Variants in GSE1 observed in about 807,000 individuals in gnomAD.
GSE1 encodes the protein Gse1 coiled-coil protein.
In GSE1, 32 loss-of-function variants were observed where a neutral mutation model predicts 112.6. The observed-to-expected ratio is 0.28, with a 90% confidence interval of 0.21 to 0.38. The LOEUF (loss-of-function observed/expected upper bound fraction) is 0.38, where lower values mean the gene tolerates loss of function less well. GSE1 is among the 10% of genes least tolerant of loss of function. The pLI is 1.00. For missense variants in GSE1, 2,348 were observed against 1,699.2 expected (o/e 1.38, Z -6.71); for synonymous variants, 1,115 against 735.6 (o/e 1.52, Z -8.35).
chr16:85,448,362 C>A (rs1022883187), intron 2 of GSE1, among the ~76,000 whole-genome samples: 2 of 152,170 alleles, frequency 1.3e-5, no homozygotes, highest in Non-Finnish European at 2.9e-5. Flanking sequence ...ACCCTGTGCT[C>A]TTTGAGTGAT....
intron 2 of GSE1, among the ~76,000 whole-genome samples, chr16:85,383,004 A>G (rs1269390013): frequency 6.6e-6 from 1 of 151,150 alleles, no homozygotes; most frequent in Non-Finnish European, 1.5e-5. Context: ...CATACAACAC[A>G]TGCACACACG....
At chr16:85,620,733 G>T (rs1340572649) in intron 1 of GSE1, among the ~76,000 whole-genome samples, 6 of 152,258 alleles carry the variant, frequency 3.9e-5, no homozygotes, top group African/African-American at 1.4e-4. Flanking sequence ...GATGGTCTCA[G>T]CCTTGGGTCT....
At chr16:85,383,497 GCACACACACA>G (rs11473067) in intron 2 of GSE1, among the ~76,000 whole-genome samples, 6 of 147,844 alleles carry the variant, frequency 4.1e-5, no homozygotes, top group African/African-American at 1.5e-4. Context: ...AGAGCTCCCA[GCACACACACA>G]CACACACACG....
chr16:85,512,000 C>G (rs2051762583), intron 2 of GSE1, among the ~76,000 whole-genome samples: 1 of 152,292 alleles, frequency 6.6e-6, no homozygotes, highest in Non-Finnish European at 1.5e-5. Flanking sequence ...GCTCTGTAGT[C>G]AGGGTCTCCA....
At chr16:85,647,359 G>T (rs545726811) in intron 2 of GSE1, among the ~76,000 whole-genome samples, 1 of 152,340 alleles carries the variant, frequency 6.6e-6, no homozygotes, top group South Asian at 2.1e-4. Flanking sequence ...CGAGTTCCGG[G>T]GTAGGTCGTG....
chr16:85,235,846 G>T (rs564847480), intron 1 of GSE1, among the ~76,000 whole-genome samples: 3 of 152,062 alleles, frequency 2.0e-5, no homozygotes, highest in African/African-American at 7.2e-5. Flanking sequence ...GGGCGCCGGG[G>T]CAGCTGTTCG....
In GSE1 at chr16:85,509,313, G is replaced by A. The variant is rs372595698; in HGVS notation, c.2465-124601G>A. 1.5e-4 allele frequency among the ~76,000 whole-genome samples: 23 copies of A among 152,324 alleles called. No individual in the cohort carries two copies. In the East Asian group the frequency reaches 2.3e-3, roughly 15 times the overall value. On this transcript the variant is annotated intron_variant, in intron 2 of 2. Coordinates refer to the GSE1 transcript ENST00000637419. The stretch of plus-strand genomic sequence containing the variant: ...GGGAAGGCAGTGTTGGTGGGGGACC[G>A]GGGCTGCGGTCTTCAGAGGCTGCCT...
At chr16:85,289,540 A>T (rs1047661969) in intron 1 of GSE1, among the ~76,000 whole-genome samples, 1 of 152,024 alleles carries the variant, frequency 6.6e-6, no homozygotes. Context: ...GAGGCCTAGG[A>T]CTCTGCATTC....
intron 1 of GSE1, among the ~76,000 whole-genome samples, chr16:85,323,045 C>T (rs2046146756): frequency 6.6e-6 from 1 of 151,982 alleles, no homozygotes; most frequent in Non-Finnish European, 1.5e-5. Flanking sequence ...ACTTTGTCAC[C>T]TCCCAAAATA....
At chr16:85,577,848 T>C (rs753154906) in intron 1 of GSE1, among the ~76,000 whole-genome samples, 8 of 152,192 alleles carry the variant, frequency 5.3e-5, no homozygotes, top group Non-Finnish European at 1.2e-4. Context: ...CTCCAGGGGC[T>C]CCAGCATTTT....
intron 2 of GSE1, among the ~76,000 whole-genome samples, chr16:85,636,530 G>A (rs769161026): frequency 8.5e-5 from 13 of 152,312 alleles, no homozygotes; most frequent in East Asian, 3.9e-4. Flanking sequence ...GGAGTCACCC[G>A]GACCCTGACC....
At chr16:85,611,824 C>T (rs1214472405), upstream of GSE1, among the ~76,000 whole-genome samples, 6 of 150,702 alleles carry the variant, frequency 4.0e-5, no homozygotes, top group Admixed American at 3.9e-4. Context: ...GGCAGGCGCC[C>T]AGCGCTCGCT....
intron 1 of GSE1, among the ~76,000 whole-genome samples, chr16:85,235,470 G>GTGTGTA (rs1007804094): frequency 1.5e-5 from 2 of 135,140 alleles, no homozygotes; most frequent in African/African-American, 5.5e-5. Flanking sequence ...GTGTGTGTGT[G>GTGTGTA]TAGGGGGTGT....
At chr16:85,648,476 A>C (rs1279190380) in intron 2 of GSE1, 76 bp from the exon 3 acceptor site, 1 of 723,910 alleles carries the variant, frequency 1.4e-6, no homozygotes, top group African/African-American at 1.8e-5. Context: ...GGGCAGCTGG[A>C]GCCCAGGTCC....
chr16:85,170,458 A>C, exon 1 of GSE1: 1 of 985,478 alleles, frequency 1.0e-6, no homozygotes, highest in Non-Finnish European at 1.2e-6. Flanking sequence ...GCTGGGGGAG[A>C]CCCTACGGGG....
chr16:85,264,081 T>G (rs8060135), intron 1 of GSE1, among the ~76,000 whole-genome samples: 24,690 of 151,808 alleles, frequency 0.16, 2,088 homozygotes, highest in South Asian at 0.21. Context: ...AGGCGGGGAA[T>G]GGTATTCCAA....
At chr16:85,354,049 C>G (rs1260942753) in intron 1 of GSE1, among the ~76,000 whole-genome samples, 1 of 152,218 alleles carries the variant, frequency 6.6e-6, no homozygotes, top group African/African-American at 2.4e-5. Context: ...CACTCCCTTT[C>G]AAATCCTACT....
chr16:85,317,769 G>C lies in GSE1; in HGVS notation c.2284-39694G>C, dbSNP rs149477904. 5.3e-4 allele frequency among the ~76,000 whole-genome samples: 81 copies of C among 152,304 alleles called. 1 individual carries two copies. The East Asian group carries it at 0.015, about 29-fold the overall frequency. On this transcript the variant is annotated intron_variant, in intron 1 of 2. Coordinates refer to the GSE1 transcript ENST00000637419. ...CGCTTTCCTGCCGCGCTGCCCACCA[G>C]TGTATCCAGCACTCCCCTCCTAAGT...
At position 85,393,353 on chromosome 16, in the gene GSE1, G is replaced by C. The variant is rs1297903256; in HGVS notation, c.2464+35710G>C. On this transcript the variant is annotated intron_variant, in intron 2 of 2. Transcript: ENST00000637419. ...AAGACAGGAGCGGCAGGGAGGCCAG[G>C]GGCCACACCCTCTCAGGGCTCCCAG... Among the ~76,000 whole-genome samples the C allele has an allele frequency of 2.0e-5, 3 of 152,208 alleles. No homozygotes were observed. The East Asian group carries it at 5.8e-4, about 29-fold the overall frequency.
Sources: gnomAD v4.1 joint callset for allele counts (sites outside exome capture counted in the v4.1 genomes callset) on GRCh38, gnomAD v4.1.1 for gene constraint, MANE v1.5 for transcripts, NCBI Gene and HGNC (gene_info 2026-07-23, HGNC 2026-07-21) for gene names.